Variants in ELMO1 observed in about 807,000 individuals in gnomAD.
ELMO1 encodes the protein engulfment and cell motility protein 1.
A neutral mutation model predicts 98.9 loss-of-function variants in ELMO1; 26 were observed. The ratio of observed to expected loss-of-function variants is 0.26; its 90% CI spans 0.19 to 0.36. The LOEUF is 0.36. ELMO1 is among the 10% of genes least tolerant of loss of function. The pLI, the probability that ELMO1 is intolerant of heterozygous loss-of-function variation, is 1.00. For synonymous variants in ELMO1, 346 were observed against 346.0 expected (o/e 1.00, Z 0.00); for missense variants, 627 against 935.2 (o/e 0.67, Z 4.30).
At chr7:37,255,018 T>C (rs1353754519) in intron 6 of ELMO1, among the ~76,000 whole-genome samples, 3 of 152,188 alleles carry the variant, frequency 2.0e-5, no homozygotes, top group African/African-American at 2.4e-5. Context: ...AGTAAGAATG[T>C]TGACAAGGCA....
chr7:37,161,874 T>G (rs4720238), intron 13 of ELMO1, among the ~76,000 whole-genome samples: 67,468 of 113,726 alleles, frequency 0.59, 22,089 homozygotes, highest in Non-Finnish European at 0.72. Flanking sequence ...AGGCTTCCAC[T>G]AAGGCATTAT....
At chr7:37,400,140 T>C (rs1803461970) in intron 1 of ELMO1, among the ~76,000 whole-genome samples, 1 of 152,218 alleles carries the variant, frequency 6.6e-6, no homozygotes, top group Non-Finnish European at 1.5e-5. Context: ...GAGGGAGTTA[T>C]ACATTGTAAA....
At chr7:37,191,188 C>A (rs1312191454) in intron 13 of ELMO1, among the ~76,000 whole-genome samples, 1,696 of 93,300 alleles carry the variant, frequency 0.018, no homozygotes, top group Middle Eastern at 0.052. Flanking sequence ...GACTCTGTCT[C>A]AAAAAAAAAA....
chr7:36,971,688 G>A (rs908803048), intron 16 of ELMO1, among the ~76,000 whole-genome samples: 1 of 152,188 alleles, frequency 6.6e-6, no homozygotes. Context: ...TGGCCTCTGT[G>A]ACTAGCGGTA....
At chr7:37,322,193 T>C (rs1329826947) in intron 2 of ELMO1, among the ~76,000 whole-genome samples, 2 of 151,874 alleles carry the variant, frequency 1.3e-5, no homozygotes, top group Non-Finnish European at 2.9e-5. Flanking sequence ...TGGAAAATAT[T>C]TGGGCTGGAC....
At chr7:37,252,537 A>G (rs1795409012) in intron 6 of ELMO1, among the ~76,000 whole-genome samples, 1 of 152,170 alleles carries the variant, frequency 6.6e-6, no homozygotes, top group Non-Finnish European at 1.5e-5. Context: ...TATGCAGAAA[A>G]CTAAAACTGT....
chr7:36,982,686 T>G (rs1265830046), intron 16 of ELMO1, among the ~76,000 whole-genome samples: 1 of 152,240 alleles, frequency 6.6e-6, no homozygotes, highest in Non-Finnish European at 1.5e-5. Flanking sequence ...CCACTTAGCA[T>G]TGCAATCTTG....
At chr7:37,148,880 A>G (rs1788171814) in intron 13 of ELMO1, among the ~76,000 whole-genome samples, 2 of 152,228 alleles carry the variant, frequency 1.3e-5, no homozygotes, top group African/African-American at 4.8e-5. Context: ...CATGTCATGT[A>G]CAGTAGGCAT....
intron 15 of ELMO1, among the ~76,000 whole-genome samples, chr7:37,045,954 T>A (rs1795772539): frequency 6.6e-6 from 1 of 152,160 alleles, no homozygotes; most frequent in Admixed American, 6.5e-5. Context: ...TTCCTGCAAA[T>A]CCCGTGATTG....
At chr7:37,087,013 T>C (rs1159046244) in intron 15 of ELMO1, among the ~76,000 whole-genome samples, 1 of 152,234 alleles carries the variant, frequency 6.6e-6, no homozygotes, top group African/African-American at 2.4e-5. Context: ...TTGTATATTT[T>C]GGCAAAGTCT....
intron 16 of ELMO1, among the ~76,000 whole-genome samples, chr7:36,932,952 C>T (rs1482027776): frequency 1.3e-5 from 2 of 152,222 alleles, no homozygotes; most frequent in Admixed American, 1.3e-4. Flanking sequence ...TGGGCGGATG[C>T]CTTCCCAGGG....
chr7:37,418,212 TTCCACC>T (rs1804312105), intron 1 of ELMO1, among the ~76,000 whole-genome samples: 1 of 152,210 alleles, frequency 6.6e-6, no homozygotes, highest in Non-Finnish European at 1.5e-5. Flanking sequence ...AAAATTTTCA[TTCCACC>T]TTCTTTTTCT....
At chr7:37,215,018 C>G (rs1444811103) in intron 11 of ELMO1, among the ~76,000 whole-genome samples, 1 of 152,126 alleles carries the variant, frequency 6.6e-6, no homozygotes, top group Non-Finnish European at 1.5e-5. Flanking sequence ...TTACTGAGAG[C>G]CAATATAAAG....
At chr7:37,267,041 ACACACACACAC>A in intron 5 of ELMO1, among the ~76,000 whole-genome samples, 1 of 14,098 alleles carries the variant, frequency 7.1e-5, no homozygotes, top group African/African-American at 9.3e-4. Flanking sequence ...GTATATATAC[ACACACACACAC>A]ACACACACAC....
chr7:37,237,882 A>G (rs2130662828), intron 7 of ELMO1, among the ~76,000 whole-genome samples: 1 of 152,304 alleles, frequency 6.6e-6, no homozygotes, highest in South Asian at 2.1e-4. Flanking sequence ...TCTGGACTCT[A>G]TTCTACTACA....
chr7:37,299,438 G>A lies in ELMO1; in HGVS notation c.192+15412C>T, dbSNP rs1206130702. On this transcript the variant is annotated intron_variant, in intron 4 of 21. Coordinates refer to ENST00000310758, the MANE Select transcript of ELMO1 (RefSeq NM_014800.11). ...TTAAGTCTTTAATCCATCTTGAATT[G>A]ATTTTTGTATAAGGTGTAAGGAAGG... 6.3e-3 allele frequency among the ~76,000 whole-genome samples: 709 copies of A among 112,502 alleles called. 10 individuals are homozygous for A. Among genetic ancestry groups the A allele is most frequent in the African/African-American group, 0.023 (685 of 30,192 alleles). 73.8% of individuals were successfully genotyped at this position (112,502 alleles called of 152,430 possible). A position where few individuals can be genotyped will look rare whatever the true frequency, so the allele number is the denominator to read the frequency against.
At chr7:37,222,172 C>T (rs1018847271) in intron 10 of ELMO1, among the ~76,000 whole-genome samples, 3 of 152,316 alleles carry the variant, frequency 2.0e-5, no homozygotes, top group Non-Finnish European at 2.9e-5. Context: ...TCACCTCCTT[C>T]CTTGGGAAAA....
At chr7:37,261,537 C>T (rs1166026586) in intron 5 of ELMO1, among the ~76,000 whole-genome samples, 1 of 152,164 alleles carries the variant, frequency 6.6e-6, no homozygotes, top group Non-Finnish European at 1.5e-5. Flanking sequence ...TGAGGACCAC[C>T]ACTCTAAATC....
chr7:37,445,998 T>C (rs544295991), intron 1 of ELMO1, among the ~76,000 whole-genome samples: 7 of 152,332 alleles, frequency 4.6e-5, no homozygotes, highest in Admixed American at 1.3e-4. Flanking sequence ...TCTCTGTTCC[T>C]TTCTTCAGGC....
Sources: allele counts gnomAD v4.1 joint callset (sites outside exome capture counted in the v4.1 genomes callset), GRCh38; gene constraint gnomAD v4.1.1; transcripts MANE v1.5; gene names NCBI Gene and HGNC (gene_info 2026-07-23, HGNC 2026-07-21).